The following MIGA2 variants were observed in gnomAD, a reference collection of about 807,000 sequenced individuals.
MIGA2 encodes family with sequence similarity 73, member B.
Under a neutral mutation model 69.9 loss-of-function variants are expected in MIGA2, and 36 were observed. That is an observed-to-expected ratio of 0.52 (90% CI 0.39 to 0.68). The LOEUF is 0.68. Among genes scored for constraint, MIGA2 ranks in the 30% least tolerant of loss-of-function variants. The pLI, the probability that MIGA2 is intolerant of heterozygous loss-of-function variation, is 0.00. For synonymous variants in MIGA2, 333 were observed against 349.2 expected, an observed-to-expected ratio of 0.95 and a Z score of 0.52; for missense variants, 660 against 787.7, an observed-to-expected ratio of 0.84 and a Z score of 1.94.
In MIGA2 at chr9:129,061,369, AGG is replaced by A; in HGVS notation, c.1010+25_1010+26del. On this transcript the variant is annotated intron_variant, in intron 9 of 15. Transcript: ENST00000684074. The surrounding 1 kb of genome is among the most constrained non-coding windows in gnomAD (Gnocchi z 5.0). Reference sequence around the variant, plus strand: ...CAGGTGAGCAGGTGTGGAGGGAGGGAGGGAGGGAGCAGGAGGCGATGGGTGAT... The same window carrying A: ...CAGGTGAGCAGGTGTGGAGGGAGGGAGAGGGAGCAGGAGGCGATGGGTGAT... 1 of 565,562 alleles carries A rather than the reference AGG, an allele frequency of 1.8e-6. No individual in the cohort carries two copies. Among genetic ancestry groups the A allele is most frequent in the Non-Finnish European group, 3.4e-6 (1 of 290,210 alleles). 35.0% of individuals were successfully genotyped at this position (565,562 alleles called of 1,614,324 possible). A position where few individuals can be genotyped will look rare whatever the true frequency, so the allele number is the denominator to read the frequency against.
intron 9 of MIGA2, 83 bp from the exon 10 acceptor site, chr9:129,063,161 C>A (rs983790715): frequency 4.2e-6 from 6 of 1,438,826 alleles, no homozygotes; most frequent in South Asian, 1.2e-5. Flanking sequence ...AGCCTCCCCC[C>A]TCCCCACCCA....
rs752759545 is a variant in MIGA2 at position 129,049,959 on chromosome 9, C to A, written c.671C>A (p.Ser224Tyr). ...RNPETASEPL[S>Y]EPESQRKEFA... Reference sequence around the variant, plus strand: ...CCAGAGACTGCATCAGAGCCACTGTCTGAGGTAGGTGGTCTTCTGCATCCC... The same window carrying A: ...CCAGAGACTGCATCAGAGCCACTGTATGAGGTAGGTGGTCTTCTGCATCCC... The change falls in exon 6 of 16, where the codon TCT becomes TAT. Residue 224 changes from serine to tyrosine, a missense_variant. This residue lies in a region of MIGA2 where 386 missense variants were observed against 402.0 expected (regional missense o/e 0.96). Coordinates refer to ENST00000684074, the MANE Select transcript of MIGA2 (RefSeq NM_001329990.2). The A allele has an allele frequency of 3.7e-6, 6 of 1,611,904 alleles. No homozygotes were observed. The South Asian group carries it at 6.6e-5, about 18-fold the overall frequency.
chr9:129,040,041 A>C (rs757585044), intron 1 of MIGA2, among the ~76,000 whole-genome samples: 4 of 152,210 alleles, frequency 2.6e-5, no homozygotes, highest in African/African-American at 4.8e-5. Flanking sequence ...CACCGTGCCC[A>C]GCAAGAAAAC....
Position 129,049,832 on chromosome 9 carries a change from G to A in MIGA2, c.544G>A (p.Glu182Lys). The A allele has an allele frequency of 6.2e-7, 1 of 1,614,102 alleles. No homozygotes were observed. Among genetic ancestry groups the A allele is most frequent in the Non-Finnish European group, 8.5e-7 (1 of 1,180,046 alleles). The change falls in exon 6 of 16, where the codon GAG (glutamate) becomes AAG (lysine). Residue 182 changes from glutamate to lysine, a missense_variant. Coordinates refer to ENST00000684074, the MANE Select transcript of MIGA2 (RefSeq NM_001329990.2). ...NAESLYMQGM[E>K]LFEEALQKWE... ...TTCGCCTCACCTGTGCTCAGGCATG[G>A]AGCTGTTTGAGGAAGCTCTGCAGAA...
intron 11 of MIGA2, 110 bp from the exon 12 acceptor site, chr9:129,067,663 C>T: frequency 1.1e-6 from 1 of 915,132 alleles, no homozygotes; most frequent in Non-Finnish European, 1.7e-6. Context: ...TCTGTGCCTG[C>T]TGCGTGGGGA....
intron 11 of MIGA2, among the ~76,000 whole-genome samples, chr9:129,064,852 C>T (rs1846258984): frequency 2.6e-5 from 4 of 151,344 alleles, no homozygotes; most frequent in South Asian, 2.1e-4. Context: ...TCACGATCTC[C>T]GCTCACCGCA....
rs539605430 is a variant in MIGA2, at chr9:129,058,556, A to G, written c.676-598A>G. ...GTTCTGTCGCCCAGGCTAGAGTGCA[A>G]TGGCGCGATCTTGGCTCACTGCAAC... On this transcript the variant is annotated intron_variant, in intron 6 of 15. Coordinates refer to ENST00000684074, the MANE Select transcript of MIGA2 (RefSeq NM_001329990.2). 8.9e-5 allele frequency among the ~76,000 whole-genome samples: 13 copies of G among 145,770 alleles called. No homozygotes were observed. In the East Asian group the frequency reaches 1.6e-3, roughly 18 times the overall value.
Position 129,055,577 on chromosome 9 carries a change from G to A in MIGA2, c.676-3577G>A, listed in dbSNP as rs189810665. Among the ~76,000 whole-genome samples, 12 of 152,166 alleles carry A rather than the reference G, an allele frequency of 7.9e-5. No homozygotes were observed. In the East Asian group the frequency reaches 1.4e-3, roughly 17 times the overall value. ...AAAAATATCTGGCCAGGGGCCTCGC[G>A]CGGTGGCTCACGCCTGTAATCCCAG... On this transcript the variant is annotated intron_variant, in intron 6 of 15. Transcript: ENST00000684074.
At chr9:129,062,533 A>G (rs1198083338) in intron 9 of MIGA2, among the ~76,000 whole-genome samples, 1 of 142,662 alleles carries the variant, frequency 7.0e-6, no homozygotes, top group Non-Finnish European at 1.5e-5. Flanking sequence ...CTCCATCTCA[A>G]AAAAAAAAAA....
At chr9:129,064,159 T>C (rs1846212629) in intron 11 of MIGA2, among the ~76,000 whole-genome samples, 1 of 152,148 alleles carries the variant, frequency 6.6e-6, no homozygotes. Context: ...GGGTGTTTCC[T>C]TGCATCTCTG....
At position 129,046,148 on chromosome 9, in the gene MIGA2, C is replaced by T. The variant is rs529214518; in HGVS notation, c.308-2279C>T. Among the ~76,000 whole-genome samples the T allele has an allele frequency of 3.5e-4, 53 of 152,088 alleles. 1 individual carries two copies. The highest frequency in any genetic ancestry group is 1.2e-3 in the African/African-American group (48 of 41,508). ...GATTACAGGTGTGAGCCACTGCGCC[C>T]GGCCTAGAATTGGAACAAGAAGTCT... is the stretch of plus-strand genomic sequence containing the variant. On this transcript the variant is annotated intron_variant, in intron 3 of 15. Transcript: ENST00000684074.
At chr9:129,066,262 G>A (rs2131392166) in intron 11 of MIGA2, among the ~76,000 whole-genome samples, 2 of 152,344 alleles carry the variant, frequency 1.3e-5, no homozygotes, top group East Asian at 3.9e-4. Context: ...CTTGGTGTCT[G>A]TGGGCCTCCC....
intron 12 of MIGA2, 124 bp downstream of exon 12, chr9:129,067,995 TC>T: frequency 3.1e-6 from 4 of 1,281,946 alleles, no homozygotes; most frequent in Non-Finnish European, 3.3e-6. Context: ...CTGCTCATAG[TC>T]CCCGGTTCCT....
intron 6 of MIGA2, among the ~76,000 whole-genome samples, chr9:129,051,813 G>GTAATTAATTAAT (rs141857454): frequency 6.7e-6 from 1 of 148,178 alleles, no homozygotes; most frequent in Non-Finnish European, 1.5e-5. Context: ...TAGCCAGGAT[G>GTAATTAATTAAT]TAATTAATTA....
At chr9:129,067,904 G>C in intron 12 of MIGA2, 33 bp downstream of exon 12, 2 of 1,589,912 alleles carry the variant, frequency 1.3e-6, no homozygotes, top group Non-Finnish European at 1.7e-6. Flanking sequence ...CCGACATCCC[G>C]GGCTCCCCTG....
chr9:129,069,277 T>G lies in MIGA2; in HGVS notation c.1458+148T>G. The G allele has an allele frequency of 1.0e-6, 1 of 969,462 alleles. No homozygotes were observed. The allele number at this position is 969,462 out of a possible 1,614,324, so 60.1% of individuals were successfully genotyped here. ...CTTGTTCCGCCGTTACCTCTCCCTG[T>G]GCCAGGAGCTCCCTGGAGGCTCGTG... On this transcript the variant is annotated intron_variant, in intron 14 of 15. Coordinates refer to ENST00000684074, the MANE Select transcript of MIGA2 (RefSeq NM_001329990.2). The surrounding 1 kb of genome is among the most constrained non-coding windows in gnomAD (Gnocchi z 4.9).
At chr9:129,067,996 C>T (rs776918878) in intron 12 of MIGA2, 125 bp downstream of exon 12, 1 of 1,282,200 alleles carries the variant, frequency 7.8e-7, no homozygotes, top group Non-Finnish European at 1.1e-6. Flanking sequence ...TGCTCATAGT[C>T]CCCGGTTCCT....
intron 4 of MIGA2, among the ~76,000 whole-genome samples, chr9:129,049,019 G>T (rs1352442913): frequency 6.6e-6 from 1 of 152,164 alleles, no homozygotes; most frequent in African/African-American, 2.4e-5. Context: ...TGGATGAGAG[G>T]CAGGACCCTG....
chr9:129,054,166 C>G (rs1001906370), intron 6 of MIGA2, among the ~76,000 whole-genome samples: 4 of 152,008 alleles, frequency 2.6e-5, no homozygotes, highest in African/African-American at 9.7e-5. Flanking sequence ...AATAAGAAAC[C>G]CCTGGTCCAG....
Sources: allele counts gnomAD v4.1 joint callset (sites outside exome capture counted in the v4.1 genomes callset), GRCh38; gene constraint gnomAD v4.1.1; regional missense constraint gnomAD v4.1.1; non-coding constraint Gnocchi (gnomAD v3.1); transcripts MANE v1.5; gene names NCBI Gene and HGNC (gene_info 2026-07-23, HGNC 2026-07-21).